MYO1H: variants seen among roughly 807,000 people sequenced by gnomAD.
The protein encoded by MYO1H is myosin IH.
Under a neutral mutation model 149.3 loss-of-function variants are expected in MYO1H, and 118 were observed. The observed-to-expected ratio is 0.79, with a 90% confidence interval of 0.68 to 0.92. MYO1H has a LOEUF of 0.92. Among genes scored for constraint, MYO1H ranks in the 40% least tolerant of loss-of-function variants. The pLI, the probability that MYO1H is intolerant of heterozygous loss-of-function variation, is 0.00. For synonymous variants in MYO1H, 447 were observed against 465.2 expected (o/e 0.96, Z 0.50); for missense variants, 1,212 against 1,280.7 (o/e 0.95, Z 0.82).
rs192945218 is a variant in MYO1H at position 109,352,297 on chromosome 12, C to T, written c.12+4325C>T. Among the ~76,000 whole-genome samples the T allele has an allele frequency of 1.3e-3, 200 of 152,266 alleles. 1 individual carries two copies. The highest frequency in any genetic ancestry group is 2.2e-3 in the Non-Finnish European group (148 of 68,024). On this transcript the variant is annotated intron_variant, in intron 1 of 31. Transcript: ENST00000310903. ...AAATTCTGCCAGCCCTGGCTAACAA[C>T]GGCATGCTGAGGCCCATGCATCTTG...
chr12:109,439,284 G>A (rs1872005132), intron 23 of MYO1H, among the ~76,000 whole-genome samples: 1 of 152,098 alleles, frequency 6.6e-6, no homozygotes, highest in Non-Finnish European at 1.5e-5. Context: ...TCACCATGTT[G>A]GTCAGGCTAG....
the MYO1H span, among the ~76,000 whole-genome samples, chr12:109,321,290 C>T: frequency 0.15 from 23,459 of 152,040 alleles, 1,936 homozygotes; most frequent in Middle Eastern, 0.19. Context: ...TGGTGGCTCA[C>T]GCCTGTAATC....
At chr12:109,384,652 G>A (rs541566340) in intron 1 of MYO1H, among the ~76,000 whole-genome samples, 16 of 152,202 alleles carry the variant, frequency 1.1e-4, no homozygotes, top group Non-Finnish European at 2.4e-4. Context: ...CTAGTCTGAA[G>A]TGAATGGAGT....
At position 109,348,097 on chromosome 12, in the gene MYO1H, G is replaced by A. The variant is rs951008702; in HGVS notation, c.12+125G>A. 11 of 398,240 alleles carry A rather than the reference G, an allele frequency of 2.8e-5. No homozygotes were observed. In the South Asian group the frequency reaches 6.5e-4, roughly 23 times the overall value. The allele number at this position is 398,240 out of a possible 1,614,324, so 24.7% of individuals were successfully genotyped here. A position where few individuals can be genotyped will look rare whatever the true frequency, so the allele number is the denominator to read the frequency against. On this transcript the variant is annotated intron_variant, in intron 1 of 31. Coordinates refer to ENST00000310903, the Ensembl canonical transcript of MYO1H. ...GAGAGAGAACTGGGCGTGTGAATAA[G>A]ATTCTGAATTTATTTGATGAAAAAT... is the stretch of plus-strand genomic sequence containing the variant.
In MYO1H at chr12:109,443,174, A is replaced by G. The variant is rs1247263996; in HGVS notation, c.2689-340A>G. ...CGTATGTGTGTGTATATGTGTACGT[A>G]TGTGTGTATATGTGTACGTATATGT... On this transcript the variant is annotated intron_variant, in intron 27 of 31. Transcript: ENST00000310903. 1.7e-5 allele frequency among the ~76,000 whole-genome samples: 2 copies of G among 115,590 alleles called. 1 individual carries two copies. 75.8% of individuals were successfully genotyped at this position (115,590 alleles called of 152,430 possible).
At chr12:109,387,613 G>T (rs1869406978) in intron 1 of MYO1H, among the ~76,000 whole-genome samples, 1 of 152,230 alleles carries the variant, frequency 6.6e-6, no homozygotes, top group African/African-American at 2.4e-5. Flanking sequence ...CCTTTGCTAT[G>T]TTTTGCTTTT....
At chr12:109,334,751 G>A in the MYO1H span, among the ~76,000 whole-genome samples, 2 of 152,014 alleles carry the variant, frequency 1.3e-5, no homozygotes, top group African/African-American at 4.8e-5. Flanking sequence ...TGTTATTTGT[G>A]TTGCTTTTAA....
intron 19 of MYO1H, among the ~76,000 whole-genome samples, chr12:109,431,498 G>A (rs772828213): frequency 4.6e-5 from 7 of 152,296 alleles, no homozygotes; most frequent in Non-Finnish European, 7.3e-5. Context: ...GTATTATCTC[G>A]TTTAAACCTC....
chr12:109,435,011 A>G (rs763338472), intron 20 of MYO1H, 26 bp from the exon 21 acceptor site: 1 of 1,545,242 alleles, frequency 6.5e-7, no homozygotes, highest in South Asian at 1.2e-5. Context: ...CCAATTAATA[A>G]CAAAAACATT....
intron 1 of MYO1H, among the ~76,000 whole-genome samples, chr12:109,386,406 T>C (rs1452282363): frequency 6.6e-6 from 1 of 152,238 alleles, no homozygotes. Context: ...AATAGAGGCA[T>C]GGTTAACTTC....
At chr12:109,446,130 C>T (rs989336037) in intron 31 of MYO1H, 1 of 985,290 alleles carries the variant, frequency 1.0e-6, no homozygotes, top group Admixed American at 6.2e-5. Flanking sequence ...TCAAAGGCTG[C>T]CCATGTTAAT....
At chr12:109,444,159 G>T (rs1872373388) in intron 28 of MYO1H, 54 bp from the exon 29 acceptor site, 1 of 1,359,874 alleles carries the variant, frequency 7.4e-7, no homozygotes, top group African/African-American at 1.4e-5. Context: ...TTCTTCCTCT[G>T]TACTAATGTC....
At chr12:109,417,965 G>C (rs201204359) in intron 15 of MYO1H, among the ~76,000 whole-genome samples, 2 of 151,160 alleles carry the variant, frequency 1.3e-5, no homozygotes, top group Admixed American at 1.3e-4. Context: ...ACAGGCGCCC[G>C]CCACCACGCC....
chr12:109,444,301 GTC>G lies in MYO1H; in HGVS notation c.2895+22_2895+23del. 2.5e-6 allele frequency: 4 copies of G among 1,610,482 alleles called. No individual in the cohort carries two copies. The highest frequency in any genetic ancestry group is 3.4e-6 in the Non-Finnish European group (4 of 1,176,788). On this transcript the variant is annotated intron_variant, in intron 29 of 31. Transcript: ENST00000310903. ...AGCAAAAGGTAATTGACAGCCACCAGTCTCTACTAAAAGACAGAAACAATACA... is the reference window on the plus strand; with the variant it reads ...AGCAAAAGGTAATTGACAGCCACCAGTCTACTAAAAGACAGAAACAATACA...
chr12:109,341,031 A>AT, the MYO1H span, among the ~76,000 whole-genome samples: 2 of 152,054 alleles, frequency 1.3e-5, no homozygotes, highest in Non-Finnish European at 2.9e-5. Flanking sequence ...TACCAAAAAT[A>AT]CAAAAAATTA....
exon 28 of MYO1H, chr12:109,443,640 G>A (rs758783806): frequency 6.2e-7 from 1 of 1,613,592 alleles, no homozygotes; most frequent in African/African-American, 1.3e-5. Context: ...AGAGTACTCA[G>A]CTCTCAAAGG....
intron 13 of MYO1H, among the ~76,000 whole-genome samples, chr12:109,411,542 TACA>T (rs1210551400): frequency 3.3e-5 from 5 of 152,270 alleles, no homozygotes; most frequent in South Asian, 2.1e-4. Flanking sequence ...GCTTTTCTTC[TACA>T]ACAAGAGTCT....
chr12:109,406,048 TTTTGG>T lies in MYO1H; in HGVS notation c.963+14_963+18del. On this transcript the variant is annotated intron_variant, in intron 8 of 31. Transcript: ENST00000310903. ...GTGGATAGCCAAGGTGATGCTCCTCTTTTGGAGAGGACAGAAGGAGGGGGATGGGT... is the reference window on the plus strand; with the variant it reads ...GTGGATAGCCAAGGTGATGCTCCTCTAGAGGACAGAAGGAGGGGGATGGGT... The T allele has an allele frequency of 6.3e-7, 1 of 1,580,718 alleles. No individual in the cohort carries two copies. Among genetic ancestry groups the T allele is most frequent in the Middle Eastern group, 1.7e-4 (1 of 6,010 alleles).
intron 1 of MYO1H, among the ~76,000 whole-genome samples, chr12:109,378,382 G>A (rs1481543452): frequency 6.6e-6 from 1 of 151,652 alleles, no homozygotes; most frequent in Non-Finnish European, 1.5e-5. Flanking sequence ...GTCCAGTGGT[G>A]TGATCACGGC....
Sources: gnomAD v4.1 joint callset for allele counts (sites outside exome capture counted in the v4.1 genomes callset) on GRCh38, gnomAD v4.1.1 for gene constraint, MANE v1.5 for transcripts, NCBI Gene and HGNC (gene_info 2026-07-23, HGNC 2026-07-21) for gene names.